COL28A1: variants seen among roughly 807,000 people sequenced by gnomAD.
COL28A1 encodes collagen alpha-1(XXVIII) chain.
Under a neutral mutation model 150.2 loss-of-function variants are expected in COL28A1, and 161 were observed. That is an observed-to-expected ratio of 1.07 (90% CI 0.94 to 1.22). The LOEUF is 1.22. Ranked by LOEUF, COL28A1 falls within the 50% of genes most tolerant of loss-of-function variation. The pLI, the probability that COL28A1 is intolerant of heterozygous loss-of-function variation, is 0.00. For synonymous variants in COL28A1, 552 were observed against 469.7 expected, an observed-to-expected ratio of 1.18 and a Z score of -2.26; for missense variants, 1,617 against 1,388.3, an observed-to-expected ratio of 1.16 and a Z score of -2.62.
At chr7:7,481,919 T>TA (rs1779346253) in intron 13 of COL28A1, among the ~76,000 whole-genome samples, 1 of 152,076 alleles carries the variant, frequency 6.6e-6, no homozygotes, top group Non-Finnish European at 1.5e-5. Context: ...TAACCTTGCA[T>TA]AAAAAACAAA....
chr7:7,536,679 T>C (rs999950016), upstream of COL28A1, among the ~76,000 whole-genome samples: 1 of 152,202 alleles, frequency 6.6e-6, no homozygotes, highest in Admixed American at 6.5e-5. Context: ...AAATAGAGAA[T>C]AGCAAGATCA....
At chr7:7,504,927 A>T (rs1470856328) in intron 11 of COL28A1, among the ~76,000 whole-genome samples, 4 of 152,198 alleles carry the variant, frequency 2.6e-5, no homozygotes, top group East Asian at 3.8e-4. Flanking sequence ...TTCTTACTGT[A>T]GGATTGTACC....
At chr7:7,469,707 C>G (rs1211006970) in intron 15 of COL28A1, among the ~76,000 whole-genome samples, 1 of 66,870 alleles carries the variant, frequency 1.5e-5, no homozygotes, top group Non-Finnish European at 2.8e-5. Flanking sequence ...TGACTTCAAA[C>G]TATACTACAA....
the COL28A1 span, among the ~76,000 whole-genome samples, chr7:7,542,320 A>T: frequency 6.6e-6 from 1 of 152,194 alleles, no homozygotes; most frequent in Admixed American, 6.5e-5. Context: ...ACAGAGTGAG[A>T]TCCCATCTAA....
chr7:7,399,277 C>T (rs6964205), intron 27 of COL28A1, among the ~76,000 whole-genome samples: 24,351 of 152,084 alleles, frequency 0.16, 2,785 homozygotes, highest in African/African-American at 0.32. Context: ...CAAACACATC[C>T]AAGAAGTCTT....
At chr7:7,382,811 G>A (rs1407513120) in intron 27 of COL28A1, among the ~76,000 whole-genome samples, 4 of 152,146 alleles carry the variant, frequency 2.6e-5, no homozygotes, top group African/African-American at 9.6e-5. Context: ...CACAGGTGAA[G>A]GTAAAGGCAA....
At position 7,373,921 on chromosome 7, in the gene COL28A1, G is replaced by C. The variant is rs371402734; in HGVS notation, c.2360-375C>G. On this transcript the variant is annotated intron_variant, in intron 31 of 34. Coordinates refer to ENST00000399429, the MANE Select transcript of COL28A1 (RefSeq NM_001037763.3). The surrounding 1 kb of genome is among the most constrained non-coding windows in gnomAD (Gnocchi z 4.1). ...TCACCGTGTTAGCCAAGATGGTCTC[G>C]ATCTCCTGACCTCGTGATATGCCCG... Among the ~76,000 whole-genome samples the C allele has an allele frequency of 3.3e-5, 5 of 150,132 alleles. No individual in the cohort carries two copies. The highest frequency in any genetic ancestry group is 4.2e-4 in the South Asian group (2 of 4,792).
intron 27 of COL28A1, among the ~76,000 whole-genome samples, chr7:7,415,620 G>A (rs1456706848): frequency 3.3e-5 from 5 of 152,150 alleles, no homozygotes; most frequent in South Asian, 2.1e-4. Flanking sequence ...TGCAACCTCC[G>A]CCTCCAGGAT....
chr7:7,344,134 T>C, the COL28A1 span, among the ~76,000 whole-genome samples: 127 of 152,286 alleles, frequency 8.3e-4, no homozygotes, highest in African/African-American at 2.9e-3. Flanking sequence ...GTCTTATGAT[T>C]ATTTAGTCTA....
downstream of COL28A1, chr7:7,356,906 T>C (rs1285829177): frequency 1.3e-5 from 2 of 152,154 alleles, no homozygotes; most frequent in Admixed American, 1.3e-4. Flanking sequence ...CATAATACAA[T>C]TTTAATTAAA....
intron 11 of COL28A1, among the ~76,000 whole-genome samples, chr7:7,498,046 A>T (rs1780315976): frequency 6.6e-6 from 1 of 152,224 alleles, no homozygotes; most frequent in African/African-American, 2.4e-5. Flanking sequence ...TGAAGAATAT[A>T]ATAAAAATTA....
Position 7,456,918 on chromosome 7 carries a change from C to T in COL28A1, c.1303-806G>A, listed in dbSNP as rs141267822. ...GCAGCGATGATTTTGGTTAAGATGT[C>T]CAGAGATGAAGTCACTGACGAGAGG... is the stretch of plus-strand genomic sequence containing the variant. On this transcript the variant is annotated intron_variant, in intron 15 of 34. Coordinates refer to ENST00000399429, the MANE Select transcript of COL28A1 (RefSeq NM_001037763.3). 1.8e-3 allele frequency among the ~76,000 whole-genome samples: 271 copies of T among 152,252 alleles called. 1 individual carries two copies. The highest frequency in any genetic ancestry group is 6.1e-3 in the African/African-American group (254 of 41,538).
At chr7:7,395,827 T>C (rs2128296347) in intron 27 of COL28A1, among the ~76,000 whole-genome samples, 2 of 152,346 alleles carry the variant, frequency 1.3e-5, no homozygotes, top group South Asian at 4.1e-4. Flanking sequence ...TCTTCTAGTT[T>C]GCCTGTCCTC....
At chr7:7,483,878 G>T (rs1779482302) in intron 13 of COL28A1, among the ~76,000 whole-genome samples, 1 of 151,994 alleles carries the variant, frequency 6.6e-6, no homozygotes, top group Admixed American at 6.6e-5. Flanking sequence ...AAATAACTAA[G>T]AATTTTTAAA....
intron 3 of COL28A1, among the ~76,000 whole-genome samples, chr7:7,528,245 T>C (rs1782140626): frequency 6.6e-6 from 1 of 152,202 alleles, no homozygotes; most frequent in East Asian, 1.9e-4. Flanking sequence ...TTTTCACATA[T>C]CCTCTCTTAC....
intron 30 of COL28A1, among the ~76,000 whole-genome samples, chr7:7,375,798 G>A (rs1488812522): frequency 6.6e-6 from 1 of 152,138 alleles, no homozygotes; most frequent in East Asian, 1.9e-4. Flanking sequence ...CAGGGCTATG[G>A]TATGGATTAA....
chr7:7,431,483 T>A (rs754256370), intron 25 of COL28A1: 1 of 469,582 alleles, frequency 2.1e-6, no homozygotes, highest in Non-Finnish European at 4.4e-6. Context: ...GAGGTGACAT[T>A]TGAGCTAAGC....
intron 27 of COL28A1, among the ~76,000 whole-genome samples, chr7:7,390,732 G>C (rs1440744592): frequency 3.9e-5 from 6 of 152,144 alleles, no homozygotes; most frequent in African/African-American, 1.2e-4. Flanking sequence ...GTGTGTATGT[G>C]TCCAGGAACT....
intron 11 of COL28A1, among the ~76,000 whole-genome samples, chr7:7,492,443 G>C (rs1421568090): frequency 1.3e-5 from 2 of 151,268 alleles, no homozygotes; most frequent in East Asian, 3.9e-4. Flanking sequence ...AAATTAGCTG[G>C]GCCTGGTGGC....
Sources: gnomAD v4.1 joint callset for allele counts (sites outside exome capture counted in the v4.1 genomes callset) on GRCh38, gnomAD v4.1.1 for gene constraint, Gnocchi (gnomAD v3.1) non-coding constraint, MANE v1.5 for transcripts, NCBI Gene and HGNC (gene_info 2026-07-23, HGNC 2026-07-21) for gene names.